The following AXL variants were observed in gnomAD, a reference collection of about 807,000 sequenced individuals.
AXL encodes tyrosine-protein kinase receptor UFO.
A neutral mutation model predicts 104.5 loss-of-function variants in AXL; 52 were observed. That is an observed-to-expected ratio of 0.50 (90% CI 0.40 to 0.63). The LOEUF (loss-of-function observed/expected upper bound fraction) is 0.63. AXL is among the 20% of genes least tolerant of loss of function. AXL has a pLI of 0.00. For missense variants in AXL, 1,024 were observed against 1,188.5 expected (o/e 0.86, Z 2.04); for synonymous variants, 455 against 473.7 (o/e 0.96, Z 0.51).
rs761731744 is a variant in AXL, at chr19:41,259,848, G to A, written c.2629G>A (p.Ala877Thr). ...VLCPSTTPSP[A>T]QPADRGSPAA... ...CTGCCCTTCCACAACCCCTAGCCCC[G>A]CTCAGCCTGCTGATAGGGGCTCCCC... Residue 877 changes from alanine (A) to threonine (T), a missense_variant, in exon 20 of 20, where the codon GCT (alanine) becomes ACT (threonine). Ala to Thr is a moderately conservative substitution (Grantham distance 58). Coordinates refer to ENST00000301178, the MANE Select transcript of AXL (RefSeq NM_021913.5). 59 of 1,609,300 alleles carry A rather than the reference G, an allele frequency of 3.7e-5. No homozygotes were observed. Among genetic ancestry groups the A allele is most frequent in the Non-Finnish European group, 4.8e-5 (56 of 1,177,400 alleles).
At chr19:41,257,171 G>A (rs923643073) in intron 18 of AXL, among the ~76,000 whole-genome samples, 4 of 152,126 alleles carry the variant, frequency 2.6e-5, no homozygotes, top group African/African-American at 9.7e-5. Flanking sequence ...AGTCTCCCGA[G>A]TAGCTGGGAT....
chr19:41,239,100 G>A lies in AXL; in HGVS notation c.1135-64G>A, dbSNP rs551268074. 1.8e-4 allele frequency: 284 copies of A among 1,590,056 alleles called. 4 individuals are homozygous for A. The South Asian group carries it at 2.5e-3, about 14-fold the overall frequency. ...GAGAAAGAGATGGGGCATTGAGCCC[G>A]AGAGTGAAGGCTTAACAGCTGGGGG... On this transcript the variant is annotated intron_variant, in intron 8 of 19. Coordinates refer to ENST00000301178, the MANE Select transcript of AXL (RefSeq NM_021913.5).
At chr19:41,256,080 G>GGGGTGTGTGTGTGTGTGTGTGTGT (rs71334980) in intron 17 of AXL, among the ~76,000 whole-genome samples, 16 of 150,618 alleles carry the variant, frequency 1.1e-4, no homozygotes, top group African/African-American at 3.9e-4. Flanking sequence ...TGGTTACATG[G>GGGGTGTGTGTGTGTGTGTGTGTGT]GTGTGTGTGT....
chr19:41,259,952 G>A lies in AXL; in HGVS notation c.*48G>A. 1 of 1,472,732 alleles carries A rather than the reference G, an allele frequency of 6.8e-7. No individual in the cohort carries two copies. The highest frequency in any genetic ancestry group is 9.1e-7 in the Non-Finnish European group (1 of 1,099,056). 91.2% of individuals were successfully genotyped at this position (1,472,732 alleles called of 1,614,324 possible). ...CCTCTCAGGATCCAAGCTAAGCACT[G>A]CCACTGGGGAAAACTCCACCTTCCC... On this transcript the variant is annotated 3_prime_UTR_variant, in exon 20 of 20. Coordinates refer to ENST00000301178, the MANE Select transcript of AXL (RefSeq NM_021913.5).
rs997221035 is a variant in AXL at position 41,219,409 on chromosome 19, C to T, written c.17C>T (p.Pro6Leu). Residue 6 changes from proline to leucine, a missense_variant, in exon 1 of 20, where the codon CCC becomes CTC. Physicochemically the swap from Pro to Leu is moderately conservative, Grantham distance 98 (BLOSUM62 -3). Transcript: ENST00000301178. MAWRC[P>L]RMGRVPLAWC... ...TTGGCACCCATGGCGTGGCGGTGCC[C>T]CAGGATGGGCAGGGTCCCGCTGGCC... 4 of 1,602,684 alleles carry T rather than the reference C, an allele frequency of 2.5e-6. No homozygotes were observed. Among genetic ancestry groups the T allele is most frequent in the Non-Finnish European group, 3.4e-6 (4 of 1,175,056 alleles).
At chr19:41,255,094 A>G (rs974539282) in intron 17 of AXL, among the ~76,000 whole-genome samples, 5 of 152,208 alleles carry the variant, frequency 3.3e-5, no homozygotes, top group Non-Finnish European at 5.9e-5. Flanking sequence ...GGTACCCACT[A>G]TCCTGACTTC....
rs1195252780 is a variant in AXL at position 41,226,736 on chromosome 19, ACACAAACACAGATG to A, written c.587-4225_587-4212del. The A allele has an allele frequency of 6.1e-6, 6 of 985,844 alleles. No individual in the cohort carries two copies. The East Asian group carries it at 4.5e-4, about 74-fold the overall frequency. 61.1% of individuals were successfully genotyped at this position (985,844 alleles called of 1,614,324 possible). On this transcript the variant is annotated intron_variant, in intron 4 of 19. Coordinates refer to ENST00000301178, the MANE Select transcript of AXL (RefSeq NM_021913.5). ...GGGTCACAAACATACCAGCTCAGAA[ACACAAACACAGATG>A]CACAAGCACACGCGTAAACAACACG...
intron 1 of AXL, among the ~76,000 whole-genome samples, chr19:41,219,943 A>C (rs1468086312): frequency 6.7e-6 from 1 of 148,954 alleles, no homozygotes; most frequent in South Asian, 2.2e-4. Flanking sequence ...CCACCAGTCC[A>C]CTCCATCTCT....
chr19:41,235,450 T>C (rs771208273), intron 6 of AXL, among the ~76,000 whole-genome samples: 1 of 152,108 alleles, frequency 6.6e-6, no homozygotes, highest in Non-Finnish European at 1.5e-5. Flanking sequence ...TCTAAATGCT[T>C]ACATGCCCCA....
At chr19:41,244,144 G>A (rs1237450770) in intron 12 of AXL, among the ~76,000 whole-genome samples, 4 of 151,978 alleles carry the variant, frequency 2.6e-5, no homozygotes, top group Non-Finnish European at 5.9e-5. Context: ...GGTCAAGGCT[G>A]CAGTAAGCCG....
chr19:41,259,410 A>C (rs1568420028), intron 19 of AXL, 143 bp from the exon 20 acceptor site: 1 of 675,252 alleles, frequency 1.5e-6, no homozygotes. Context: ...AAATCCCCAT[A>C]GATGGCCTCA....
rs186884585 is a variant in AXL, at chr19:41,259,696, A to G, written c.2477A>G (p.Glu826Gly). 4.3e-6 allele frequency: 7 copies of G among 1,613,976 alleles called. No homozygotes were observed. Among genetic ancestry groups the G allele is most frequent in the Non-Finnish European group, 5.9e-6 (7 of 1,180,006 alleles). ...GAAATCCTCTATGTCAACATGGATG[A>G]GGGTGGAGGTTATCCTGAACCCCCT... ...PDEILYVNMD[E>G]GGGYPEPPGA... Residue 826 changes from glutamate (E) to glycine (G), a missense_variant, in exon 20 of 20, where the codon GAG (glutamate) becomes GGG (glycine). Around this residue, in one of 5 missense-constraint regions of AXL, gnomAD observed 523 missense variants for 636.0 expected, o/e 0.82. Transcript: ENST00000301178.
Position 41,230,968 on chromosome 19 carries a change from G to T in AXL, c.588G>T (p.Gly196=), listed in dbSNP as rs762892654. ...CCCTTCCCTCATATGACTCCCTAGGGCTGAACAAGACATCCTCTTTCTCCT... is the reference window on the plus strand; with the variant it reads ...CCCTTCCCTCATATGACTCCCTAGGTCTGAACAAGACATCCTCTTTCTCCT... ...HGPQRSLHVP[G]LNKTSSFSCE... The change falls in exon 5 of 20, where the codon GGG becomes GGT. Residue 196 remains glycine (G), a splice_region_variant and synonymous_variant. Coordinates refer to ENST00000301178, the MANE Select transcript of AXL (RefSeq NM_021913.5). 6.2e-7 allele frequency: 1 copy of T among 1,613,790 alleles called. No homozygotes were observed. The highest frequency in any genetic ancestry group is 8.5e-7 in the Non-Finnish European group (1 of 1,179,842).
At chr19:41,239,068 G>T in intron 8 of AXL, 96 bp from the exon 9 acceptor site, 2 of 1,409,656 alleles carry the variant, frequency 1.4e-6, no homozygotes, top group South Asian at 2.6e-5. Context: ...GATGGGGAGA[G>T]CGTTTTGAGA....
rs1481528158 is a variant in AXL at position 41,260,278 on chromosome 19, T to C, written c.*374T>C. The C allele has an allele frequency of 6.5e-5, 13 of 199,846 alleles. No homozygotes were observed. The highest frequency in any genetic ancestry group is 1.3e-4 in the Non-Finnish European group (13 of 100,782). The allele number at this position is 199,846 out of a possible 1,614,324, so 12.4% of individuals were successfully genotyped here. ...TCCAAAGTCTCTAATTCTATTAAAG[T>C]GCTAAGGTTCTAAGGCCTACTTTTT... is the stretch of plus-strand genomic sequence containing the variant. On this transcript the variant is annotated 3_prime_UTR_variant, in exon 20 of 20. Transcript: ENST00000301178.
chr19:41,229,770 G>A (rs896917585), intron 4 of AXL, among the ~76,000 whole-genome samples: 21 of 152,266 alleles, frequency 1.4e-4, no homozygotes, highest in African/African-American at 4.3e-4. Flanking sequence ...GGAGAAGAGC[G>A]TGTGACAGGG....
rs1028545653 is a variant in AXL, at chr19:41,253,648, G to T, written c.1976G>T (p.Gly659Val). The T allele has an allele frequency of 1.9e-6, 3 of 1,613,900 alleles. No individual in the cohort carries two copies. The highest frequency in any genetic ancestry group is 2.5e-6 in the Non-Finnish European group (3 of 1,179,978). The change falls in exon 17 of 20, where the codon GGC becomes GTC. Residue 659 changes from glycine (G) to valine (V), a missense_variant. By Grantham distance (109) the Gly-to-Val change is moderately radical. This residue lies in a region of AXL where 523 missense variants were observed against 636.0 expected (regional missense o/e 0.82). Transcript: ENST00000301178. ...LVKFMADIAS[G>V]MEYLSTKRFI... Reference sequence around the variant, plus strand: ...AAGTTCATGGCAGACATCGCCAGTGGCATGGAGTATCTGAGTACCAAGAGA... The same window carrying T: ...AAGTTCATGGCAGACATCGCCAGTGTCATGGAGTATCTGAGTACCAAGAGA...
chr19:41,250,191 T>C (rs574870639), intron 14 of AXL, among the ~76,000 whole-genome samples: 3 of 152,022 alleles, frequency 2.0e-5, no homozygotes, highest in Admixed American at 6.6e-5. Flanking sequence ...TAATGTGGAG[T>C]AGGACTATAT....
rs149620679 is a variant in AXL, at chr19:41,245,810, G to C, written c.1537+2103G>C. 6.7e-3 allele frequency among the ~76,000 whole-genome samples: 1,018 copies of C among 151,888 alleles called. 11 individuals carry two copies. Among genetic ancestry groups the C allele is most frequent in the African/African-American group, 0.023 (953 of 41,390 alleles). ...GAGCTAGGTCTCTTCCTAGCATACA[G>C]CGAGAAAGCCGCCAGGGCCCCAGGG... On this transcript the variant is annotated intron_variant, in intron 12 of 19. Coordinates refer to ENST00000301178, the MANE Select transcript of AXL (RefSeq NM_021913.5).
Sources: gnomAD v4.1 joint callset for allele counts (sites outside exome capture counted in the v4.1 genomes callset) on GRCh38, gnomAD v4.1.1 for gene constraint, gnomAD v4.1.1 regional missense constraint, MANE v1.5 for transcripts, NCBI Gene and HGNC (gene_info 2026-07-23, HGNC 2026-07-21) for gene names.